The following RASEF variants were observed in gnomAD, a reference collection of about 807,000 sequenced individuals.
RASEF encodes the protein ras and EF-hand domain-containing protein.
RASEF carries 68 observed loss-of-function variants against 90.1 expected under a neutral mutation model. The observed-to-expected ratio is 0.75, with a 90% CI of 0.62 to 0.92. The LOEUF is 0.92. RASEF is among the 40% of genes least tolerant of loss of function. The probability of loss-of-function intolerance (pLI) is 0.00; values close to 1 mark genes in which losing one functional copy is unlikely to be tolerated. For missense variants in RASEF, 949 were observed against 937.2 expected (o/e 1.01, Z -0.16); for synonymous variants, 331 against 345.2 (o/e 0.96, Z 0.46).
At chr9:83,213,093 T>TAA in the RASEF span, among the ~76,000 whole-genome samples, 6,391 of 145,764 alleles carry the variant, frequency 0.044, 454 homozygotes, top group African/African-American at 0.15. Context: ...GCACACGTTT[T>TAA]AAAAAAAAAA....
the RASEF span, among the ~76,000 whole-genome samples, chr9:83,190,511 C>CT: frequency 0.093 from 14,210 of 152,152 alleles, 1,158 homozygotes; most frequent in African/African-American, 0.21. Flanking sequence ...CAGGTTTACA[C>CT]CTTAGCTTTT....
chr9:83,157,889 C>T, the RASEF span, among the ~76,000 whole-genome samples: 1 of 152,118 alleles, frequency 6.6e-6, no homozygotes, highest in African/African-American at 2.4e-5. Flanking sequence ...ACTTGAAAAC[C>T]AGAAGATGCA....
the RASEF span, among the ~76,000 whole-genome samples, chr9:83,152,785 C>A: frequency 6.6e-6 from 1 of 152,086 alleles, no homozygotes; most frequent in Non-Finnish European, 1.5e-5. Context: ...TGAAACCCAA[C>A]TCATAACCTA....
the RASEF span, among the ~76,000 whole-genome samples, chr9:83,198,292 T>C: frequency 6.6e-6 from 1 of 152,316 alleles, no homozygotes; most frequent in South Asian, 2.1e-4. Flanking sequence ...CAACCTACCA[T>C]ACAATTTAGG....
upstream of RASEF, among the ~76,000 whole-genome samples, chr9:83,063,347 T>TAGAG (rs1487503099): frequency 7.2e-5 from 11 of 152,286 alleles, no homozygotes; most frequent in African/African-American, 2.6e-4. Context: ...GCTGCTCAGG[T>TAGAG]AGAGCCCAGC....
chr9:82,995,631 A>G (rs1828901647), intron 14 of RASEF, among the ~76,000 whole-genome samples: 1 of 152,138 alleles, frequency 6.6e-6, no homozygotes, highest in Admixed American at 6.5e-5. Flanking sequence ...TTTTTTGTAC[A>G]GATGGGGTCT....
the RASEF span, among the ~76,000 whole-genome samples, chr9:83,152,633 TC>T: frequency 6.6e-6 from 1 of 152,226 alleles, no homozygotes; most frequent in Non-Finnish European, 1.5e-5. Flanking sequence ...ACCAAGTGGT[TC>T]CTTCCTTGGA....
At chr9:82,998,737 TTGTG>T (rs140716164) in intron 12 of RASEF, among the ~76,000 whole-genome samples, 53 of 150,498 alleles carry the variant, frequency 3.5e-4, no homozygotes, top group Non-Finnish European at 5.2e-4. Flanking sequence ...TCAGTCATAT[TTGTG>T]TGTGTGTGTG....
At chr9:83,119,805 T>C in the RASEF span, among the ~76,000 whole-genome samples, 1 of 152,142 alleles carries the variant, frequency 6.6e-6, no homozygotes, top group Non-Finnish European at 1.5e-5. Context: ...ATGGGTCTCA[T>C]GAGATCTGAT....
the RASEF span, among the ~76,000 whole-genome samples, chr9:83,068,608 A>T: frequency 1.3e-5 from 2 of 152,222 alleles, no homozygotes; most frequent in Non-Finnish European, 2.9e-5. Context: ...ATGAGAACAC[A>T]TCCCCAGCTT....
chr9:83,185,353 C>CTTTCT, the RASEF span, among the ~76,000 whole-genome samples: 18 of 143,116 alleles, frequency 1.3e-4, no homozygotes, highest in African/African-American at 3.9e-4. Flanking sequence ...TTCTTTCTTT[C>CTTTCT]TTTTTTTTTT....
At chr9:83,142,837 C>T in the RASEF span, among the ~76,000 whole-genome samples, 1 of 152,160 alleles carries the variant, frequency 6.6e-6, no homozygotes, top group Non-Finnish European at 1.5e-5. Context: ...GGCTTTCATG[C>T]TGTTTTAGGG....
At chr9:83,009,812 A>T in intron 5 of RASEF, 56 bp from the exon 6 acceptor site, 1 of 1,076,596 alleles carries the variant, frequency 9.3e-7, no homozygotes, top group Non-Finnish European at 1.4e-6. Context: ...TGCCTGGGAG[A>T]AATGAAGTAA....
At position 83,004,494 on chromosome 9, in the gene RASEF, A is replaced by C. The variant is rs1195421527; in HGVS notation, c.1202+4T>G. ...GAACAGAAAGTTAAGACGAGTTAAC[A>C]TACCTGTCATAGCCTAGAGGTTGAG... is the stretch of plus-strand genomic sequence containing the variant. On this transcript the variant is annotated splice_donor_region_variant and intron_variant, in intron 9 of 16. Coordinates refer to ENST00000376447, the MANE Select transcript of RASEF (RefSeq NM_152573.4). 1.3e-6 allele frequency: 2 copies of C among 1,563,784 alleles called. No individual in the cohort carries two copies. The highest frequency in any genetic ancestry group is 1.7e-4 in the Middle Eastern group (1 of 5,960).
At chr9:83,016,034 A>G in intron 3 of RASEF, 134 bp from the exon 4 acceptor site, 1 of 657,662 alleles carries the variant, frequency 1.5e-6, no homozygotes, top group Non-Finnish European at 2.6e-6. Context: ...GTGAGAAAGG[A>G]TATCAGAAGG....
chr9:83,207,066 C>A, the RASEF span, among the ~76,000 whole-genome samples: 2 of 152,270 alleles, frequency 1.3e-5, no homozygotes, highest in African/African-American at 2.4e-5. Flanking sequence ...TGAAAAGAGA[C>A]CCCTGATCTT....
intron 1 of RASEF, among the ~76,000 whole-genome samples, chr9:83,039,577 AAT>A (rs1296789785): frequency 6.6e-6 from 1 of 152,166 alleles, no homozygotes; most frequent in African/African-American, 2.4e-5. Flanking sequence ...AACTATGGGA[AAT>A]ATGATTGCCA....
At chr9:83,122,977 C>T in the RASEF span, among the ~76,000 whole-genome samples, 356 of 152,238 alleles carry the variant, frequency 2.3e-3, no homozygotes, top group South Asian at 3.3e-3. Flanking sequence ...CAGTGGCTCA[C>T]GCCTGTAATC....
intron 12 of RASEF, among the ~76,000 whole-genome samples, chr9:82,999,138 C>T (rs1398882236): frequency 6.6e-6 from 1 of 152,024 alleles, no homozygotes; most frequent in African/African-American, 2.4e-5. Flanking sequence ...TTCGGGTGAT[C>T]AAAATAAGAA....
Sources: allele counts gnomAD v4.1 joint callset (sites outside exome capture counted in the v4.1 genomes callset), GRCh38; gene constraint gnomAD v4.1.1; transcripts MANE v1.5; gene names NCBI Gene and HGNC (gene_info 2026-07-23, HGNC 2026-07-21).